Variants in ZFHX3 observed in about 807,000 individuals in gnomAD.
ZFHX3 encodes zinc finger homeobox 3, also known as zinc finger homeobox protein 3.
In ZFHX3, 42 loss-of-function variants were observed where a neutral mutation model predicts 279.1. The ratio of observed to expected loss-of-function variants is 0.15; its 90% CI spans 0.12 to 0.19. ZFHX3 has a LOEUF of 0.19. Among genes scored for constraint, ZFHX3 ranks in the 10% least tolerant of loss-of-function variants. ZFHX3 has a pLI of 1.00. For missense variants in ZFHX3, 4,981 were observed against 4,754.0 expected (o/e 1.05, Z -1.40); for synonymous variants, 2,293 against 1,957.8 (o/e 1.17, Z -4.52).
intron 7 of ZFHX3, among the ~76,000 whole-genome samples, chr16:73,095,978 G>C (rs1283046512): frequency 5.3e-5 from 8 of 152,150 alleles, no homozygotes; most frequent in Non-Finnish European, 1.0e-4. Flanking sequence ...CTTGAAATCT[G>C]AATAAAAGCA....
At chr16:73,004,606 C>G (rs1963638736) in intron 1 of ZFHX3, among the ~76,000 whole-genome samples, 3 of 152,078 alleles carry the variant, frequency 2.0e-5, no homozygotes, top group African/African-American at 4.8e-5. Context: ...GCCACTGCAC[C>G]TGGCTGTTTC....
chr16:73,578,395 A>AC (rs1247709925), intron 2 of ZFHX3, among the ~76,000 whole-genome samples: 6 of 151,974 alleles, frequency 3.9e-5, no homozygotes, highest in Non-Finnish European at 8.8e-5. Flanking sequence ...AAAAAAAAAA[A>AC]ACAAAGGGAA....
At chr16:73,163,354 A>C (rs1967285110) in intron 5 of ZFHX3, among the ~76,000 whole-genome samples, 1 of 152,234 alleles carries the variant, frequency 6.6e-6, no homozygotes, top group African/African-American at 2.4e-5. Context: ...AAGGGACTTA[A>C]TAACAAAACC....
intron 3 of ZFHX3, chr16:73,400,621 C>T (rs2017230931): frequency 6.6e-6 from 1 of 152,158 alleles, no homozygotes; most frequent in Non-Finnish European, 1.5e-5. Flanking sequence ...GAATGGGACT[C>T]CCCCGGCTGC....
At chr16:73,289,819 A>C (rs972485064) in intron 4 of ZFHX3, among the ~76,000 whole-genome samples, 4 of 152,116 alleles carry the variant, frequency 2.6e-5, no homozygotes, top group African/African-American at 9.7e-5. Context: ...GGAATCCAGG[A>C]GGGAGTGTGA....
At chr16:73,521,305 A>C (rs2019605046) in intron 2 of ZFHX3, among the ~76,000 whole-genome samples, 1 of 152,184 alleles carries the variant, frequency 6.6e-6, no homozygotes, top group African/African-American at 2.4e-5. Context: ...GTTTGTTGTA[A>C]AGGGTTTAGA....
At chr16:73,238,995 G>T (rs1317438194) in intron 5 of ZFHX3, among the ~76,000 whole-genome samples, 1 of 152,118 alleles carries the variant, frequency 6.6e-6, no homozygotes, top group Non-Finnish European at 1.5e-5. Flanking sequence ...CCCACAGCAT[G>T]ACTCCACTTT....
intron 8 of ZFHX3, among the ~76,000 whole-genome samples, chr16:73,067,883 C>T (rs1965775376): frequency 6.6e-6 from 1 of 152,138 alleles, no homozygotes; most frequent in African/African-American, 2.4e-5. Context: ...CCAAGGGCCC[C>T]TCCCCCAACC....
intron 3 of ZFHX3, among the ~76,000 whole-genome samples, chr16:73,397,767 G>A (rs1380643009): frequency 6.6e-6 from 1 of 150,800 alleles, no homozygotes; most frequent in Non-Finnish European, 1.5e-5. Flanking sequence ...CAGGTGGGCA[G>A]TGGTGGTATT....
intron 1 of ZFHX3, among the ~76,000 whole-genome samples, chr16:72,977,330 G>T (rs1392261198): frequency 6.6e-6 from 1 of 152,122 alleles, no homozygotes; most frequent in Non-Finnish European, 1.5e-5. Context: ...GGGTTGGCGG[G>T]TTGACACACT....
At chr16:73,461,373 A>C (rs751292987) in intron 2 of ZFHX3, among the ~76,000 whole-genome samples, 7 of 152,146 alleles carry the variant, frequency 4.6e-5, no homozygotes, top group African/African-American at 7.2e-5. Context: ...TTTTCCTCTT[A>C]AGGCCTTTCA....
chr16:73,347,831 G>C (rs1187354023), intron 3 of ZFHX3, among the ~76,000 whole-genome samples: 1 of 152,224 alleles, frequency 6.6e-6, no homozygotes. Flanking sequence ...ATACTTTGTA[G>C]ATTAAAGTCC....
chr16:73,850,809 T>C (rs986259870), intron 1 of ZFHX3, among the ~76,000 whole-genome samples: 1 of 152,032 alleles, frequency 6.6e-6, no homozygotes, highest in Non-Finnish European at 1.5e-5. Context: ...GCTGCAGACA[T>C]GAGCAGCTGC....
intron 1 of ZFHX3, among the ~76,000 whole-genome samples, chr16:72,992,590 A>G (rs936355966): frequency 5.9e-5 from 9 of 152,194 alleles, no homozygotes; most frequent in Non-Finnish European, 1.0e-4. Context: ...ACTCACAGCC[A>G]AAAGAGGGGA....
chr16:73,536,827 T>C (rs1219693037), intron 2 of ZFHX3, among the ~76,000 whole-genome samples: 1 of 152,164 alleles, frequency 6.6e-6, no homozygotes, highest in Non-Finnish European at 1.5e-5. Flanking sequence ...TAATCTGCTG[T>C]TATTAAAATG....
intron 5 of ZFHX3, among the ~76,000 whole-genome samples, chr16:73,247,251 G>C (rs192252749): frequency 5.1e-4 from 78 of 151,494 alleles, no homozygotes; most frequent in African/African-American, 1.1e-3. Context: ...TGTATGTGGA[G>C]TACATGTGTG....
intron 1 of ZFHX3, among the ~76,000 whole-genome samples, chr16:73,874,985 T>C (rs796248476): frequency 6.6e-6 from 1 of 152,194 alleles, no homozygotes; most frequent in African/African-American, 2.4e-5. Flanking sequence ...TTCACTACAT[T>C]GAAGAACGGT....
chr16:73,551,405 A>T (rs2020202838), intron 2 of ZFHX3, among the ~76,000 whole-genome samples: 1 of 152,240 alleles, frequency 6.6e-6, no homozygotes, highest in Admixed American at 6.5e-5. Context: ...TTTTGTCTTA[A>T]AAGTAAATAT....
intron 2 of ZFHX3, among the ~76,000 whole-genome samples, chr16:73,644,127 T>G (rs2052597282): frequency 1.3e-5 from 2 of 152,128 alleles, no homozygotes; most frequent in Admixed American, 1.3e-4. Flanking sequence ...GTCTTTGACC[T>G]AGGTGGTTCT....
Sources: allele counts gnomAD v4.1 joint callset (sites outside exome capture counted in the v4.1 genomes callset), GRCh38; gene constraint gnomAD v4.1.1; transcripts MANE v1.5; gene names NCBI Gene and HGNC (gene_info 2026-07-23, HGNC 2026-07-21).